Variants in AMN1 observed in about 807,000 individuals in gnomAD.
AMN1 encodes antagonist of mitotic exit network 1 homolog.
In AMN1, 20 loss-of-function variants were observed where a neutral mutation model predicts 33.0. That is an observed-to-expected ratio of 0.61 (90% CI 0.43 to 0.88). The LOEUF is 0.88. Ranked by LOEUF, AMN1 falls within the 40% of genes least tolerant of loss-of-function variation. AMN1 has a pLI of 0.00. For missense variants in AMN1, 246 were observed against 307.4 expected, an observed-to-expected ratio of 0.80 and a Z score of 1.49; for synonymous variants, 114 against 111.9, an observed-to-expected ratio of 1.02 and a Z score of -0.12.
intron 1 of AMN1, among the ~76,000 whole-genome samples, chr12:31,723,499 A>G (rs1390129300): frequency 6.6e-6 from 1 of 152,030 alleles, no homozygotes; most frequent in Non-Finnish European, 1.5e-5. Flanking sequence ...TTTAGTAGAG[A>G]CAGGGTTTCA....
In AMN1 at chr12:31,679,136, C is replaced by T. The variant is rs181453162; in HGVS notation, c.704-6759G>A. On this transcript the variant is annotated intron_variant, in intron 6 of 6. Transcript: ENST00000281471. ...CAGTCTGACCAACATGGCGAAACCCCGTCTCTATTTATAAATAAATAAATA... is the reference window on the plus strand; with the variant it reads ...CAGTCTGACCAACATGGCGAAACCCTGTCTCTATTTATAAATAAATAAATA... Among the ~76,000 whole-genome samples the T allele has an allele frequency of 2.6e-3, 390 of 151,960 alleles. 4 individuals are homozygous for T. Among genetic ancestry groups the T allele is most frequent in the Admixed American group, 4.4e-3 (67 of 15,244 alleles).
In AMN1 at chr12:31,687,686, C is replaced by CAAA. The variant is rs529854333; in HGVS notation, c.703+1318_703+1320dup. The stretch of plus-strand genomic sequence containing the variant: ...CGGGTGACAGAGCGAGATTCTGTCT[C>CAAA]AAAAAAAAAAAAAAGAATAATTGGA... On this transcript the variant is annotated intron_variant, in intron 6 of 6. Transcript: ENST00000281471. This position sits in a 1 kb window ranked among gnomAD's most constrained non-coding sequence, Gnocchi z 4.1. Among the ~76,000 whole-genome samples the CAAA allele has an allele frequency of 0.01, 1,134 of 108,294 alleles. 16 individuals are homozygous for CAAA. The highest frequency in any genetic ancestry group is 0.036 in the African/African-American group (1,068 of 29,486). 71.0% of individuals were successfully genotyped at this position (108,294 alleles called of 152,430 possible).
chr12:31,709,137 T>C (rs1423981031), intron 2 of AMN1, 156 bp downstream of exon 2: 10 of 813,128 alleles, frequency 1.2e-5, no homozygotes, highest in South Asian at 2.9e-5. Flanking sequence ...ATTGCACCAC[T>C]GTACTCCAGC....
intron 1 of AMN1, 23 bp from the exon 2 acceptor site, chr12:31,709,448 T>C (rs1939384560): frequency 1.3e-6 from 2 of 1,595,028 alleles, no homozygotes; most frequent in Non-Finnish European, 1.7e-6. Context: ...TACAATATAG[T>C]AAATCACACT....
intron 6 of AMN1, among the ~76,000 whole-genome samples, chr12:31,675,338 T>C (rs919009159): frequency 6.6e-6 from 1 of 151,596 alleles, no homozygotes; most frequent in Admixed American, 6.6e-5. Flanking sequence ...GAGGATCCAA[T>C]TGAGCCTGGG....
chr12:31,715,721 C>A lies in AMN1; in HGVS notation c.39-6296G>T. On this transcript the variant is annotated intron_variant, in intron 1 of 6. Coordinates refer to ENST00000281471, the MANE Select transcript of AMN1 (RefSeq NM_001113402.2). Reference sequence around the variant, plus strand: ...TTTTGATGGTATCTGAGAATCAGTTCAAAAGCCTAGCCTGAGGCACACTTC... The same window carrying A: ...TTTTGATGGTATCTGAGAATCAGTTAAAAAGCCTAGCCTGAGGCACACTTC... The A allele has an allele frequency of 1.9e-5, 3 of 162,044 alleles. No homozygotes were observed. The South Asian group carries it at 5.3e-4, about 28-fold the overall frequency. 10.0% of individuals were successfully genotyped at this position (162,044 alleles called of 1,614,324 possible).
At chr12:31,706,583 GGAGTAGTATC>G (rs1240267274) in intron 2 of AMN1, among the ~76,000 whole-genome samples, 25 of 152,250 alleles carry the variant, frequency 1.6e-4, no homozygotes, top group Admixed American at 1.4e-3. Context: ...AGATAACACA[GGAGTAGTATC>G]GAAGGAAATT....
intron 3 of AMN1, among the ~76,000 whole-genome samples, chr12:31,698,433 A>C (rs1041271314): frequency 1.3e-5 from 2 of 152,166 alleles, no homozygotes; most frequent in African/African-American, 4.8e-5. Flanking sequence ...CTCTCGCTCC[A>C]CTTTGACTCT....
At position 31,686,509 on chromosome 12, in the gene AMN1, G is replaced by A. The variant is rs573019394; in HGVS notation, c.703+2498C>T. Among the ~76,000 whole-genome samples the A allele has an allele frequency of 1.8e-3, 281 of 152,144 alleles. 1 individual carries two copies. Among genetic ancestry groups the A allele is most frequent in the African/African-American group, 6.2e-3 (258 of 41,442 alleles). ...CTACAGATGCTTCTCAATTTATGAT[G>A]GGGTTACACCCTGACAAACTCATAA... On this transcript the variant is annotated intron_variant, in intron 6 of 6. Coordinates refer to ENST00000281471, the MANE Select transcript of AMN1 (RefSeq NM_001113402.2).
intron 1 of AMN1, among the ~76,000 whole-genome samples, chr12:31,713,697 T>C (rs888847443): frequency 3.3e-5 from 5 of 152,030 alleles, no homozygotes; most frequent in Admixed American, 2.0e-4. Flanking sequence ...AAAAATTAGC[T>C]GGGTGTAGTG....
intron 5 of AMN1, among the ~76,000 whole-genome samples, chr12:31,690,429 T>A (rs569885408): frequency 4.6e-5 from 7 of 152,324 alleles, no homozygotes; most frequent in East Asian, 3.9e-4. Context: ...ATTATTTTTT[T>A]ATTTTTTTTA....
At chr12:31,702,832 G>T (rs1180691580) in intron 2 of AMN1, among the ~76,000 whole-genome samples, 4 of 152,124 alleles carry the variant, frequency 2.6e-5, no homozygotes, top group Middle Eastern at 3.2e-3. Flanking sequence ...CCGCCTCCCG[G>T]GTTCAAGCGA....
At chr12:31,712,239 T>G (rs990951200) in intron 1 of AMN1, among the ~76,000 whole-genome samples, 6 of 151,750 alleles carry the variant, frequency 4.0e-5, no homozygotes, top group Non-Finnish European at 5.9e-5. Flanking sequence ...ATTTCATTAT[T>G]ATTTTATTTT....
Position 31,697,418 on chromosome 12 carries a change from C to T in AMN1, c.535-1G>A, listed in dbSNP as rs1328842407. On this transcript the variant is annotated splice_acceptor_variant, in intron 4 of 6. Transcript: ENST00000281471. LOFTEE classifies it high-confidence loss of function. ...GTGCAATCACACCACTGTCAGATAC[C>T]TAAGCAAAGGGAAAAAGAAACACAG... 6.2e-7 allele frequency: 1 copy of T among 1,612,436 alleles called. No homozygotes were observed. The highest frequency in any genetic ancestry group is 8.5e-7 in the Non-Finnish European group (1 of 1,179,292).
At chr12:31,693,105 G>C (rs11051538) in intron 5 of AMN1, among the ~76,000 whole-genome samples, 1 of 152,080 alleles carries the variant, frequency 6.6e-6, no homozygotes, top group Non-Finnish European at 1.5e-5. Flanking sequence ...GTCTCACTCT[G>C]TTCCCCAAGC....
chr12:31,721,072 A>T (rs1351182699), intron 1 of AMN1, among the ~76,000 whole-genome samples: 1 of 152,204 alleles, frequency 6.6e-6, no homozygotes, highest in Non-Finnish European at 1.5e-5. Flanking sequence ...ACAGGTGAGC[A>T]GTCTCTCAAA....
In AMN1 at chr12:31,709,395, G is replaced by A. The variant is rs1366957408; in HGVS notation, c.69C>T (p.Ser23=). Reference sequence around the variant, plus strand: ...AAGGCTTAATGTCTGTGAGATATCTGGAAATATTCTTCATGAAGCACCAAA... The same window carrying A: ...AAGGCTTAATGTCTGTGAGATATCTAGAAATATTCTTCATGAAGCACCAAA... ...LCLWCFMKNI[S]RYLTDIKPLP... Residue 23 remains serine (S), a synonymous_variant, in exon 2 of 7, where the codon TCC becomes TCT. Transcript: ENST00000281471. The A allele has an allele frequency of 1.2e-6, 2 of 1,613,562 alleles. No homozygotes were observed. Among genetic ancestry groups the A allele is most frequent in the African/African-American group, 1.3e-5 (1 of 74,990 alleles).
At chr12:31,724,474 C>G (rs1939989638) in intron 1 of AMN1, among the ~76,000 whole-genome samples, 1 of 151,996 alleles carries the variant, frequency 6.6e-6, no homozygotes, top group African/African-American at 2.4e-5. Context: ...TCATGCTACT[C>G]AAAATGGTGC....
Position 31,687,697 on chromosome 12 carries a change from A to G in AMN1, c.703+1310T>C, listed in dbSNP as rs1938326452. On this transcript the variant is annotated intron_variant, in intron 6 of 6. Transcript: ENST00000281471. The surrounding 1 kb of genome is among the most constrained non-coding windows in gnomAD (Gnocchi z 4.1). ...GCGAGATTCTGTCTCAAAAAAAAAA[A>G]AAAGAATAATTGGAATAATTATTTA... 6.6e-6 allele frequency among the ~76,000 whole-genome samples: 1 copy of G among 152,148 alleles called. No individual in the cohort carries two copies. Among genetic ancestry groups the G allele is most frequent in the African/African-American group, 2.4e-5 (1 of 41,422 alleles).
Sources: gnomAD v4.1 joint callset for allele counts (sites outside exome capture counted in the v4.1 genomes callset) on GRCh38, gnomAD v4.1.1 for gene constraint, Gnocchi (gnomAD v3.1) non-coding constraint, MANE v1.5 for transcripts, NCBI Gene and HGNC (gene_info 2026-07-23, HGNC 2026-07-21) for gene names.